The following GPR55 variants were observed in gnomAD, a reference collection of about 807,000 sequenced individuals.
GPR55 encodes the protein G protein-coupled receptor 55, also known as G-protein coupled receptor 55.
In GPR55, 6 loss-of-function variants were observed where a neutral mutation model predicts 7.9. That is an observed-to-expected ratio of 0.76 (90% CI 0.41 to 1.49). GPR55 has a LOEUF of 1.49. Among genes scored for constraint, GPR55 ranks in the 40% most tolerant of loss-of-function variants. The probability of loss-of-function intolerance (pLI) is 0.01; values close to 1 mark genes in which losing one functional copy is unlikely to be tolerated. For missense variants in GPR55, 376 were observed against 406.0 expected, an observed-to-expected ratio of 0.93 and a Z score of 0.63; for synonymous variants, 183 against 166.8, an observed-to-expected ratio of 1.10 and a Z score of -0.75.
At chr2:230,916,539 A>C (rs112435710) in intron 1 of GPR55, among the ~76,000 whole-genome samples, 3,648 of 152,002 alleles carry the variant, frequency 0.024, 96 homozygotes, top group Middle Eastern at 0.065. Context: ...AAAAAAAAAA[A>C]GAGATAATCT....
intron 1 of GPR55, among the ~76,000 whole-genome samples, chr2:230,912,466 G>C (rs1287812474): frequency 2.6e-5 from 4 of 152,026 alleles, no homozygotes; most frequent in Admixed American, 6.6e-5. Context: ...GTCTCACTCT[G>C]TCACCCAGGC....
At chr2:230,960,850 G>A (rs1333981475) in exon 1 of GPR55, 4 of 152,172 alleles carry the variant, frequency 2.6e-5, no homozygotes, top group African/African-American at 9.7e-5. Flanking sequence ...ATTGCTGGAG[G>A]CTGAGTGTTT....
At chr2:230,936,958 A>G (rs1691142371) in intron 1 of GPR55, among the ~76,000 whole-genome samples, 1 of 152,254 alleles carries the variant, frequency 6.6e-6, no homozygotes, top group African/African-American at 2.4e-5. Flanking sequence ...AACCTGAGCC[A>G]GATTTCCTAT....
chr2:230,935,365 C>T (rs577649764), intron 1 of GPR55, among the ~76,000 whole-genome samples: 66 of 152,294 alleles, frequency 4.3e-4, no homozygotes, highest in African/African-American at 1.5e-3. Context: ...CTGACGGGCT[C>T]CATGGACCTG....
At chr2:230,931,349 C>T (rs1260905406) in intron 1 of GPR55, among the ~76,000 whole-genome samples, 1 of 152,192 alleles carries the variant, frequency 6.6e-6, no homozygotes, top group Non-Finnish European at 1.5e-5. Flanking sequence ...GAGGTGCAAA[C>T]GATCAACAGC....
chr2:230,945,405 G>A (rs1013827315), intron 1 of GPR55, among the ~76,000 whole-genome samples: 2 of 151,638 alleles, frequency 1.3e-5, no homozygotes, highest in Non-Finnish European at 2.9e-5. Flanking sequence ...ACAAATCAAT[G>A]ACATGAAAAG....
intron 1 of GPR55, among the ~76,000 whole-genome samples, chr2:230,955,657 C>T (rs1229409240): frequency 6.6e-6 from 1 of 152,160 alleles, no homozygotes; most frequent in Non-Finnish European, 1.5e-5. Flanking sequence ...AATGGTAGAC[C>T]ATAAAGGAGA....
upstream of GPR55, among the ~76,000 whole-genome samples, chr2:230,929,118 G>A (rs1235365474): frequency 2.0e-5 from 3 of 152,144 alleles, no homozygotes; most frequent in Non-Finnish European, 4.4e-5. Flanking sequence ...CTCCCAAAGT[G>A]CTGGGATTAC....
At chr2:230,932,134 A>G (rs778995276) in intron 1 of GPR55, among the ~76,000 whole-genome samples, 5 of 152,080 alleles carry the variant, frequency 3.3e-5, no homozygotes, top group Admixed American at 2.6e-4. Flanking sequence ...TCTGCACCCA[A>G]CCAAGTGACA....
intron 1 of GPR55, among the ~76,000 whole-genome samples, chr2:230,960,563 G>A (rs192536117): frequency 4.6e-5 from 7 of 152,050 alleles, no homozygotes; most frequent in Admixed American, 6.5e-5. Flanking sequence ...ATAAAACCAC[G>A]AATACTTCTG....
chr2:230,952,023 T>C lies in GPR55; in HGVS notation c.-135+8752A>G, dbSNP rs1421977082. On this transcript the variant is annotated intron_variant, in intron 1 of 1. Transcript: ENST00000392039. ...CTCAAACCATCCTCCTGCCTCAAACTCCCAAGTGCTGGGATTACAGGTGTG... is the reference window on the plus strand; with the variant it reads ...CTCAAACCATCCTCCTGCCTCAAACCCCCAAGTGCTGGGATTACAGGTGTG... Among the ~76,000 whole-genome samples the C allele has an allele frequency of 1.1e-4, 16 of 151,736 alleles. 1 individual carries two copies. The highest frequency in any genetic ancestry group is 1.1e-3 in the Admixed American group (16 of 15,234).
chr2:230,941,347 G>A (rs1431444886), intron 1 of GPR55, among the ~76,000 whole-genome samples: 3 of 152,186 alleles, frequency 2.0e-5, no homozygotes. Context: ...AGAAAGACAA[G>A]CACCAGAAGT....
chr2:230,932,324 A>G (rs1200014673), intron 1 of GPR55, among the ~76,000 whole-genome samples: 2 of 152,198 alleles, frequency 1.3e-5, no homozygotes, highest in African/African-American at 4.8e-5. Context: ...GAAGGCAGAA[A>G]ATTACCACCG....
At chr2:230,948,529 G>T (rs190620432) in intron 1 of GPR55, among the ~76,000 whole-genome samples, 9 of 152,262 alleles carry the variant, frequency 5.9e-5, no homozygotes, top group African/African-American at 2.2e-4. Context: ...ACTTTCTCTC[G>T]TTGCCTTTGA....
In GPR55 at chr2:230,908,698, C is replaced by G. The variant is rs968880795; in HGVS notation, c.*1305G>C. ...TGAAGTCTCATCAGTTACTCCTCAT[C>G]CCACTCGCTCTGTCATGCAAAACCA... On this transcript the variant is annotated 3_prime_UTR_variant, in exon 2 of 2. Coordinates refer to ENST00000650999, the MANE Select transcript of GPR55 (RefSeq NM_005683.4). The G allele has an allele frequency of 6.6e-6, 1 of 152,492 alleles. No homozygotes were observed. The highest frequency in any genetic ancestry group is 2.4e-5 in the African/African-American group (1 of 41,450). The allele number at this position is 152,492 out of a possible 1,614,324, so 9.4% of individuals were successfully genotyped here.
chr2:230,947,942 G>C (rs142493550), intron 1 of GPR55, among the ~76,000 whole-genome samples: 2 of 152,146 alleles, frequency 1.3e-5, no homozygotes, highest in South Asian at 4.2e-4. Flanking sequence ...GCAGAAACTC[G>C]GCATCCCGCC....
chr2:230,911,831 C>A (rs180835849), intron 1 of GPR55, among the ~76,000 whole-genome samples: 1 of 152,242 alleles, frequency 6.6e-6, no homozygotes, highest in East Asian at 1.9e-4. Context: ...GAAGTGGCCT[C>A]AGGGACGGGA....
intron 1 of GPR55, among the ~76,000 whole-genome samples, chr2:230,933,407 A>T (rs1003346248): frequency 2.0e-5 from 3 of 152,146 alleles, no homozygotes; most frequent in Admixed American, 2.0e-4. Context: ...TGCTAGGGGA[A>T]GTCAGGAACC....
At position 230,932,521 on chromosome 2, in the gene GPR55, C is replaced by T. The variant is rs75602513; in HGVS notation, c.-134-21425G>A. Among the ~76,000 whole-genome samples, 663 of 152,334 alleles carry T rather than the reference C, an allele frequency of 4.4e-3. 4 individuals carry two copies. Among genetic ancestry groups the T allele is most frequent in the African/African-American group, 0.015 (633 of 41,568 alleles). On this transcript the variant is annotated intron_variant, in intron 1 of 1. Coordinates refer to the GPR55 transcript ENST00000392039. The stretch of plus-strand genomic sequence containing the variant: ...TCAGTGTTCATTAAAATAGTTGGAT[C>T]TACACCTCTTCTAAATGAAGACAGC...
Sources: gnomAD v4.1 joint callset for allele counts (sites outside exome capture counted in the v4.1 genomes callset) on GRCh38, gnomAD v4.1.1 for gene constraint, MANE v1.5 for transcripts, NCBI Gene and HGNC (gene_info 2026-07-23, HGNC 2026-07-21) for gene names.